Variants in CYP2C18 observed in about 807,000 individuals in gnomAD.
CYP2C18 encodes cytochrome P450 family 2 subfamily C member 18.
In CYP2C18, 38 loss-of-function variants were observed where a neutral mutation model predicts 41.3. That is an observed-to-expected ratio of 0.92 (90% CI 0.71 to 1.21). The LOEUF (loss-of-function observed/expected upper bound fraction) is 1.21, where lower values mean the gene tolerates loss of function less well. Among genes scored for constraint, CYP2C18 ranks in the 50% most tolerant of loss-of-function variants. CYP2C18 has a pLI of 0.00. For synonymous variants in CYP2C18, 236 were observed against 210.0 expected, an observed-to-expected ratio of 1.12 and a Z score of -1.07; for missense variants, 635 against 591.4, an observed-to-expected ratio of 1.07 and a Z score of -0.77.
rs184074786 is a variant in CYP2C18 at position 94,692,054 on chromosome 10, G to A, written c.482-2863G>A. Among the ~76,000 whole-genome samples the A allele has an allele frequency of 5.3e-5, 8 of 151,984 alleles. No individual in the cohort carries two copies. The East Asian group carries it at 5.8e-4, about 11-fold the overall frequency. ...TGGATTAAAGACTTAAATGTTAGAC[G>A]TAAAACCATAAAAATCCTAGAAGAA... On this transcript the variant is annotated intron_variant, in intron 3 of 8. Transcript: ENST00000285979.
intron 5 of CYP2C18, among the ~76,000 whole-genome samples, chr10:94,714,449 T>G (rs1271456999): frequency 1.3e-5 from 2 of 152,148 alleles, no homozygotes; most frequent in Non-Finnish European, 1.5e-5. Context: ...TTTCCTCATT[T>G]CTTGTTTTTG....
intron 5 of CYP2C18, among the ~76,000 whole-genome samples, chr10:94,707,755 A>T (rs1391795711): frequency 6.6e-6 from 1 of 152,210 alleles, no homozygotes; most frequent in Admixed American, 6.5e-5. Flanking sequence ...CCATTTTGTC[A>T]TATTGCCAAA....
intron 7 of CYP2C18, among the ~76,000 whole-genome samples, chr10:94,731,589 A>C (rs1847833853): frequency 1.3e-5 from 2 of 152,194 alleles, no homozygotes; most frequent in South Asian, 4.1e-4. Flanking sequence ...TACAGTAACC[A>C]AAATAGCGTA....
intron 5 of CYP2C18, among the ~76,000 whole-genome samples, chr10:94,717,464 AT>A (rs747635529): frequency 2.2e-4 from 33 of 152,162 alleles, no homozygotes; most frequent in Non-Finnish European, 1.6e-4. Context: ...TGGATATGAA[AT>A]TCTGGGTTGA....
At chr10:94,715,830 G>A (rs1847531755) in intron 5 of CYP2C18, among the ~76,000 whole-genome samples, 1 of 151,908 alleles carries the variant, frequency 6.6e-6, no homozygotes, top group East Asian at 1.9e-4. Flanking sequence ...TTTTTTGTTG[G>A]TAGGCTCTTA....
intron 4 of CYP2C18, among the ~76,000 whole-genome samples, chr10:94,696,727 C>A (rs1455949955): frequency 2.0e-5 from 3 of 151,900 alleles, no homozygotes; most frequent in Non-Finnish European, 4.4e-5. Context: ...AGTTAAAAAC[C>A]TTGAAAAAAA....
At chr10:94,684,101 A>T (rs1301922796) in intron 1 of CYP2C18, 114 bp downstream of exon 1, 3 of 694,532 alleles carry the variant, frequency 4.3e-6, no homozygotes, top group Non-Finnish European at 6.6e-6. Context: ...TTAATGGGGT[A>T]CAATATTACA....
At chr10:94,709,374 C>T (rs1322851616) in intron 5 of CYP2C18, among the ~76,000 whole-genome samples, 1 of 152,082 alleles carries the variant, frequency 6.6e-6, no homozygotes, top group African/African-American at 2.4e-5. Flanking sequence ...ATAATTTTCT[C>T]TTGTGCTTAC....
chr10:94,703,942 T>C (rs1407502731), intron 4 of CYP2C18, among the ~76,000 whole-genome samples: 1 of 152,176 alleles, frequency 6.6e-6, no homozygotes, highest in Non-Finnish European at 1.5e-5. Flanking sequence ...GTATCTGGGC[T>C]GGATAGCACT....
intron 4 of CYP2C18, among the ~76,000 whole-genome samples, chr10:94,705,826 A>G (rs755144420): frequency 1.5e-4 from 23 of 152,142 alleles, no homozygotes; most frequent in Non-Finnish European, 3.1e-4. Flanking sequence ...ATGAGAAAAG[A>G]AATGCCTGAA....
intron 7 of CYP2C18, among the ~76,000 whole-genome samples, chr10:94,730,833 A>C (rs760456000): frequency 6.6e-6 from 1 of 152,218 alleles, no homozygotes; most frequent in Non-Finnish European, 1.5e-5. Context: ...GTAAAGTTTC[A>C]GGATACAAAA....
At chr10:94,696,001 G>T (rs1030252925) in intron 4 of CYP2C18, among the ~76,000 whole-genome samples, 1 of 152,166 alleles carries the variant, frequency 6.6e-6, no homozygotes, top group African/African-American at 2.4e-5. Flanking sequence ...GAACTGGGTG[G>T]AGCCCACCGC....
chr10:94,730,407 C>G (rs1339068273), intron 7 of CYP2C18, among the ~76,000 whole-genome samples: 2 of 152,140 alleles, frequency 1.3e-5, no homozygotes, highest in East Asian at 3.9e-4. Flanking sequence ...AATCACAAAA[C>G]AGGTGAACAA....
At chr10:94,719,079 A>G (rs971711158) in intron 5 of CYP2C18, among the ~76,000 whole-genome samples, 1 of 152,056 alleles carries the variant, frequency 6.6e-6, no homozygotes, top group African/African-American at 2.4e-5. Flanking sequence ...ATAGATATTT[A>G]TTTGGTGTAT....
chr10:94,699,515 C>CCAA, intron 4 of CYP2C18, among the ~76,000 whole-genome samples: 1 of 151,900 alleles, frequency 6.6e-6, no homozygotes, highest in Admixed American at 6.6e-5. Context: ...AAACCCAAAG[C>CCAA]TGATCATACC....
At chr10:94,733,520 C>G (rs1404751377) in intron 8 of CYP2C18, 82 bp downstream of exon 8, 1 of 1,576,916 alleles carries the variant, frequency 6.3e-7, no homozygotes, top group African/African-American at 1.4e-5. Context: ...GATGCCACCT[C>G]TGAGGTTTGG....
chr10:94,706,715 A>G, intron 4 of CYP2C18, 69 bp from the exon 5 acceptor site: 2 of 849,804 alleles, frequency 2.4e-6, no homozygotes, highest in Non-Finnish European at 3.6e-6. Flanking sequence ...GTTTTAAACC[A>G]GCAGTTGACT....
intron 5 of CYP2C18, among the ~76,000 whole-genome samples, chr10:94,707,934 G>A (rs1847371011): frequency 6.6e-6 from 1 of 151,902 alleles, no homozygotes; most frequent in African/African-American, 2.4e-5. Context: ...TGGAAACTGT[G>A]AGGAAGGTAA....
chr10:94,689,916 A>G (rs1846965049), intron 3 of CYP2C18, among the ~76,000 whole-genome samples: 1 of 152,076 alleles, frequency 6.6e-6, no homozygotes, highest in Non-Finnish European at 1.5e-5. Flanking sequence ...CAAACTATCT[A>G]TTCCCAGGCT....
Sources: allele counts gnomAD v4.1 joint callset (sites outside exome capture counted in the v4.1 genomes callset), GRCh38; gene constraint gnomAD v4.1.1; transcripts MANE v1.5; gene names NCBI Gene and HGNC (gene_info 2026-07-23, HGNC 2026-07-21).